Variants in ARSG observed in about 807,000 individuals in gnomAD.
ARSG encodes the protein arylsulfatase G.
In ARSG, 37 loss-of-function variants were observed where a neutral mutation model predicts 50.5. The observed-to-expected ratio is 0.73, with a 90% CI of 0.56 to 0.96. ARSG has a LOEUF of 0.96. Ranked by LOEUF, ARSG falls within the 50% of genes least tolerant of loss-of-function variation. The pLI is 0.00. For synonymous variants in ARSG, 225 were observed against 254.6 expected (o/e 0.88, Z 1.11); for missense variants, 629 against 675.3 (o/e 0.93, Z 0.76).
intron 2 of ARSG, among the ~76,000 whole-genome samples, chr17:68,323,776 A>G (rs960674774): frequency 6.6e-6 from 1 of 152,186 alleles, no homozygotes; most frequent in Admixed American, 6.6e-5. Flanking sequence ...ACCCACTGTC[A>G]AAGATCAATC....
chr17:68,365,833 A>G (rs564870155), intron 6 of ARSG, among the ~76,000 whole-genome samples: 2 of 152,368 alleles, frequency 1.3e-5, no homozygotes, highest in Non-Finnish European at 2.9e-5. Flanking sequence ...ACACAGATAC[A>G]ATAGATGTAA....
At chr17:68,304,230 G>A (rs1294438023) in intron 1 of ARSG, among the ~76,000 whole-genome samples, 1 of 152,206 alleles carries the variant, frequency 6.6e-6, no homozygotes, top group African/African-American at 2.4e-5. Context: ...GAATGATCTC[G>A]GAATCAAGCA....
chr17:68,272,778 A>G (rs374800832), intron 1 of ARSG: 8 of 1,613,568 alleles, frequency 5.0e-6, no homozygotes, highest in African/African-American at 4.0e-5. Context: ...CTGTGAAAGA[A>G]AAGTCAAAAA....
At chr17:68,292,891 G>A (rs1328572788) in intron 1 of ARSG, among the ~76,000 whole-genome samples, 1 of 152,160 alleles carries the variant, frequency 6.6e-6, no homozygotes, top group Non-Finnish European at 1.5e-5. Flanking sequence ...ATTTAACCTC[G>A]TAGAGCGTTA....
chr17:68,382,142 G>A (rs1470415081), intron 8 of ARSG, among the ~76,000 whole-genome samples: 1 of 151,958 alleles, frequency 6.6e-6, no homozygotes, highest in Non-Finnish European at 1.5e-5. Flanking sequence ...GTAGAGATGG[G>A]GTTTCACCAT....
intron 8 of ARSG, among the ~76,000 whole-genome samples, chr17:68,384,839 T>A (rs1333812790): frequency 6.6e-6 from 1 of 152,130 alleles, no homozygotes; most frequent in African/African-American, 2.4e-5. Flanking sequence ...ATGAGGTGAT[T>A]CAGTAGAGTG....
chr17:68,426,480 G>A (rs1192721929), downstream of ARSG, among the ~76,000 whole-genome samples: 2 of 152,102 alleles, frequency 1.3e-5, no homozygotes, highest in Admixed American at 1.3e-4. Context: ...GGATCCTTCT[G>A]CCTCAATTTA....
intron 9 of ARSG, among the ~76,000 whole-genome samples, chr17:68,391,478 T>C (rs2080988878): frequency 6.6e-6 from 1 of 152,154 alleles, no homozygotes; most frequent in Non-Finnish European, 1.5e-5. Flanking sequence ...AACATTAGAC[T>C]TAGTGCTCTA....
chr17:68,383,126 G>A (rs2080517109), intron 8 of ARSG, among the ~76,000 whole-genome samples: 1 of 152,180 alleles, frequency 6.6e-6, no homozygotes, highest in African/African-American at 2.4e-5. Flanking sequence ...GTTTTTCTCT[G>A]AAGAGCGTAT....
intron 1 of ARSG, among the ~76,000 whole-genome samples, chr17:68,272,228 G>A (rs1220331725): frequency 6.6e-6 from 1 of 152,034 alleles, no homozygotes; most frequent in Non-Finnish European, 1.5e-5. Flanking sequence ...GTAAGCCACC[G>A]TGCTCAGTTA....
In ARSG at chr17:68,325,187, G is replaced by C. The variant is rs117026354; in HGVS notation, c.218+17476G>C. On this transcript the variant is annotated intron_variant, in intron 2 of 11. Transcript: ENST00000621439. ...TCGCTTGCATTACCGCCTGAGCTCC[G>C]CCTCCTGTCAGATCAACAGCGGCAT... 4.7e-3 allele frequency among the ~76,000 whole-genome samples: 719 copies of C among 152,096 alleles called. 11 individuals carry two copies. Among genetic ancestry groups the C allele is most frequent in the African/African-American group, 0.016 (649 of 41,484 alleles).
At chr17:68,267,273 A>G (rs1439470769) in intron 1 of ARSG, 1 of 152,238 alleles carries the variant, frequency 6.6e-6, no homozygotes, top group African/African-American at 2.4e-5. Context: ...AATATGTCGT[A>G]AAGTGCTGAA....
chr17:68,271,223 A>G lies in ARSG; in HGVS notation c.-552+11797A>G, dbSNP rs782205324. The stretch of plus-strand genomic sequence containing the variant: ...CTAATGCCCAGAGGAATGATGTACA[A>G]GGAAGGTGCAAAGAATCCCAGTGTT... On this transcript the variant is annotated intron_variant, in intron 1 of 11. Coordinates refer to the ARSG transcript ENST00000448504. The surrounding 1 kb of genome is among the most constrained non-coding windows in gnomAD (Gnocchi z 5.3). The G allele has an allele frequency of 1.2e-6, 2 of 1,614,122 alleles. No homozygotes were observed. The highest frequency in any genetic ancestry group is 1.7e-6 in the Non-Finnish European group (2 of 1,180,042).
At chr17:68,397,040 C>G (rs1030097) in intron 10 of ARSG, among the ~76,000 whole-genome samples, 82,589 of 152,028 alleles carry the variant, frequency 0.54, 22,669 homozygotes, top group East Asian at 0.63. Context: ...AAGGACTGTG[C>G]TCTCCTTGAC....
At chr17:68,353,044 T>G (rs2078873721) in intron 5 of ARSG, among the ~76,000 whole-genome samples, 1 of 152,118 alleles carries the variant, frequency 6.6e-6, no homozygotes, top group Non-Finnish European at 1.5e-5. Context: ...AAACAATAGT[T>G]AATATAATAG....
chr17:68,283,683 A>G (rs886944197), intron 1 of ARSG, among the ~76,000 whole-genome samples: 51 of 151,490 alleles, frequency 3.4e-4, no homozygotes, highest in Non-Finnish European at 1.6e-4. Context: ...ATGATCCCTG[A>G]AAGTATAGTC....
intron 1 of ARSG, among the ~76,000 whole-genome samples, chr17:68,299,181 T>C (rs2076320672): frequency 1.3e-5 from 2 of 148,226 alleles, no homozygotes; most frequent in Admixed American, 6.9e-5. Context: ...GTTGGCTCAC[T>C]GCAACCTCCG....
intron 2 of ARSG, among the ~76,000 whole-genome samples, chr17:68,323,961 T>C (rs1360265407): frequency 6.6e-6 from 1 of 151,138 alleles, no homozygotes; most frequent in Admixed American, 6.6e-5. Context: ...TAATCCCAGC[T>C]ATTTGGGAGG....
intron 1 of ARSG, among the ~76,000 whole-genome samples, chr17:68,282,492 T>TA (rs61418415): frequency 0.01 from 1,458 of 145,246 alleles, 10 homozygotes; most frequent in Non-Finnish European, 0.012. Flanking sequence ...CCCTAGAACT[T>TA]AAAAAAAAAA....
Sources: allele counts gnomAD v4.1 joint callset (sites outside exome capture counted in the v4.1 genomes callset), GRCh38; gene constraint gnomAD v4.1.1; non-coding constraint Gnocchi (gnomAD v3.1); transcripts MANE v1.5; gene names NCBI Gene and HGNC (gene_info 2026-07-23, HGNC 2026-07-21).